KCNIP4: variants seen among roughly 807,000 people sequenced by gnomAD.
KCNIP4 encodes Kv channel-interacting protein 4.
Under a neutral mutation model 34.0 loss-of-function variants are expected in KCNIP4, and 12 were observed. The ratio of observed to expected loss-of-function variants is 0.35; its 90% CI spans 0.23 to 0.57. The LOEUF is 0.57. KCNIP4 is among the 20% of genes least tolerant of loss of function. KCNIP4 has a pLI of 0.83. For synonymous variants in KCNIP4, 124 were observed against 102.2 expected (o/e 1.21, Z -1.29); for missense variants, 238 against 311.7 (o/e 0.76, Z 1.78).
At chr4:21,077,899 A>C (rs1008030872) in intron 1 of KCNIP4, among the ~76,000 whole-genome samples, 7 of 152,144 alleles carry the variant, frequency 4.6e-5, no homozygotes, top group African/African-American at 1.7e-4. Context: ...AAGATGTCAT[A>C]GTAGCGTAAA....
intron 1 of KCNIP4, among the ~76,000 whole-genome samples, chr4:21,113,147 G>T (rs1015965710): frequency 2.0e-4 from 31 of 152,308 alleles, no homozygotes; most frequent in African/African-American, 7.5e-4. Context: ...TTACAGCAGG[G>T]AGATGAGGCT....
chr4:21,939,217 GAAC>G (rs948802402), intron 1 of KCNIP4, among the ~76,000 whole-genome samples: 7 of 152,098 alleles, frequency 4.6e-5, no homozygotes, highest in African/African-American at 1.7e-4. Flanking sequence ...TCTGAGAGGT[GAAC>G]AACAATTTTC....
chr4:21,065,726 C>CATTA (rs1347877012), intron 1 of KCNIP4, among the ~76,000 whole-genome samples: 11 of 86,352 alleles, frequency 1.3e-4, no homozygotes, highest in African/African-American at 4.8e-4. Flanking sequence ...TATCATTTGT[C>CATTA]TATATATATA....
At chr4:21,353,803 C>T (rs959257136) in intron 1 of KCNIP4, among the ~76,000 whole-genome samples, 2 of 152,108 alleles carry the variant, frequency 1.3e-5, no homozygotes, top group Non-Finnish European at 2.9e-5. Context: ...GAGAACACCA[C>T]AAAGATACGC....
At chr4:20,833,549 T>C (rs1718682023) in intron 3 of KCNIP4, among the ~76,000 whole-genome samples, 1 of 152,054 alleles carries the variant, frequency 6.6e-6, no homozygotes, top group South Asian at 2.1e-4. Context: ...CCCTCCCAGT[T>C]CACCAACTTT....
chr4:21,555,945 G>A (rs944271642), intron 1 of KCNIP4, among the ~76,000 whole-genome samples: 1 of 152,082 alleles, frequency 6.6e-6, no homozygotes, highest in East Asian at 1.9e-4. Flanking sequence ...AGACACAGCT[G>A]TGCGCTGTGA....
chr4:20,854,673 A>T (rs1348618607), intron 2 of KCNIP4, among the ~76,000 whole-genome samples: 2 of 152,288 alleles, frequency 1.3e-5, no homozygotes, highest in South Asian at 4.1e-4. Context: ...TCATTTTACA[A>T]GTAAAGTGAA....
chr4:21,607,489 A>G (rs952159511), intron 1 of KCNIP4, among the ~76,000 whole-genome samples: 2 of 152,014 alleles, frequency 1.3e-5, no homozygotes, highest in African/African-American at 4.8e-5. Flanking sequence ...TAACATGTCT[A>G]CACTCCAAAT....
chr4:20,792,145 A>T (rs749014762), intron 3 of KCNIP4, among the ~76,000 whole-genome samples: 7 of 152,206 alleles, frequency 4.6e-5, no homozygotes, highest in Non-Finnish European at 8.8e-5. Flanking sequence ...AAGCTGAGGC[A>T]GGCGGATCAT....
chr4:21,057,519 A>G (rs73245224), intron 1 of KCNIP4, among the ~76,000 whole-genome samples: 2,320 of 152,280 alleles, frequency 0.015, 23 homozygotes, highest in Non-Finnish European at 0.025. Context: ...ATGAGTGAAT[A>G]CGGACTTAAA....
chr4:20,939,248 A>T (rs948949452), intron 1 of KCNIP4, among the ~76,000 whole-genome samples: 4 of 152,062 alleles, frequency 2.6e-5, no homozygotes, highest in Non-Finnish European at 5.9e-5. Context: ...CCAACTCTAC[A>T]TTCCTATTTG....
intron 1 of KCNIP4, among the ~76,000 whole-genome samples, chr4:21,705,649 G>A (rs1713209466): frequency 6.6e-6 from 1 of 152,080 alleles, no homozygotes; most frequent in Non-Finnish European, 1.5e-5. Flanking sequence ...GGATGGCAGG[G>A]CATGTAAAGC....
intron 1 of KCNIP4, among the ~76,000 whole-genome samples, chr4:21,715,734 G>A (rs1366532641): frequency 6.6e-6 from 1 of 152,156 alleles, no homozygotes; most frequent in African/African-American, 2.4e-5. Flanking sequence ...GCAAATGTCA[G>A]GGGTGAGTTG....
chr4:20,971,296 G>A (rs17573138), intron 1 of KCNIP4, among the ~76,000 whole-genome samples: 9,338 of 152,204 alleles, frequency 0.061, 334 homozygotes, highest in Middle Eastern at 0.13. Context: ...ATGAGATTGA[G>A]ATCAGACAAG....
At chr4:21,907,156 G>A (rs1728050501) in intron 1 of KCNIP4, among the ~76,000 whole-genome samples, 1 of 152,118 alleles carries the variant, frequency 6.6e-6, no homozygotes, top group African/African-American at 2.4e-5. Flanking sequence ...GGGTTGTTGA[G>A]AGGTGATTAG....
chr4:21,398,257 A>G lies in KCNIP4; in HGVS notation c.62-515548T>C, dbSNP rs145185274. On this transcript the variant is annotated intron_variant, in intron 1 of 8. Coordinates refer to ENST00000382152, the MANE Select transcript of KCNIP4 (RefSeq NM_025221.6). Reference sequence around the variant, plus strand: ...AGACATCTGAAGGTAGGAAGAGGAGACGTTGCCTTTCTTCTTAATTTGAAT... The same window carrying G: ...AGACATCTGAAGGTAGGAAGAGGAGGCGTTGCCTTTCTTCTTAATTTGAAT... Among the ~76,000 whole-genome samples the G allele has an allele frequency of 8.2e-3, 1,256 of 152,300 alleles. 21 individuals carry two copies. Among genetic ancestry groups the G allele is most frequent in the African/African-American group, 0.029 (1,213 of 41,574 alleles).
At position 21,108,497 on chromosome 4, in the gene KCNIP4, G is replaced by A. The variant is rs1045921650; in HGVS notation, c.62-225788C>T. Among the ~76,000 whole-genome samples, 18 of 151,560 alleles carry A rather than the reference G, an allele frequency of 1.2e-4. 1 individual carries two copies. Among genetic ancestry groups the A allele is most frequent in the East Asian group, 3.9e-4 (2 of 5,170 alleles). The stretch of plus-strand genomic sequence containing the variant: ...TATTGGTTATTCTAGTTATACATTC[G>A]TCTAAATTTTTTTCAAAGTTTTTAA... On this transcript the variant is annotated intron_variant, in intron 1 of 8. Coordinates refer to ENST00000382152, the MANE Select transcript of KCNIP4 (RefSeq NM_025221.6).
In KCNIP4 at chr4:20,970,823, T is replaced by A. The variant is rs1734860975; in HGVS notation, c.62-88114A>T. ...CAGAGCCTCTGAATAAACTTGCCTGTCCATGATCTACCTAACAGTTCACTC... is the reference window on the plus strand; with the variant it reads ...CAGAGCCTCTGAATAAACTTGCCTGACCATGATCTACCTAACAGTTCACTC... On this transcript the variant is annotated intron_variant, in intron 1 of 8. Transcript: ENST00000382152. Among the ~76,000 whole-genome samples, 3 of 152,176 alleles carry A rather than the reference T, an allele frequency of 2.0e-5. No individual in the cohort carries two copies. The East Asian group carries it at 5.8e-4, about 29-fold the overall frequency.
At chr4:21,290,506 T>A (rs1414468548) in intron 1 of KCNIP4, among the ~76,000 whole-genome samples, 1 of 152,264 alleles carries the variant, frequency 6.6e-6, no homozygotes, top group Admixed American at 6.5e-5. Context: ...TATACTTTTT[T>A]AATGAGATCA....
Sources: allele counts gnomAD v4.1 joint callset (sites outside exome capture counted in the v4.1 genomes callset), GRCh38; gene constraint gnomAD v4.1.1; transcripts MANE v1.5; gene names NCBI Gene and HGNC (gene_info 2026-07-23, HGNC 2026-07-21).